GCM1: variants seen among roughly 807,000 people sequenced by gnomAD.
GCM1 encodes chorion-specific transcription factor GCMa.
Under a neutral mutation model 25.7 loss-of-function variants are expected in GCM1, and 2 were observed. The observed-to-expected ratio is 0.08, with a 90% CI of 0.03 to 0.24. The LOEUF (loss-of-function observed/expected upper bound fraction) is 0.24, where lower values mean the gene tolerates loss of function less well. Ranked by LOEUF, GCM1 falls within the 10% of genes least tolerant of loss-of-function variation. The pLI is 1.00. For synonymous variants in GCM1, 183 were observed against 195.7 expected (o/e 0.94, Z 0.54); for missense variants, 395 against 538.7 (o/e 0.73, Z 2.64).
intron 2 of GCM1, among the ~76,000 whole-genome samples, chr6:53,144,275 A>G (rs955144928): frequency 6.6e-6 from 1 of 151,946 alleles, no homozygotes; most frequent in Non-Finnish European, 1.5e-5. Flanking sequence ...TTTTTTTTCA[A>G]TTAGCCAGGA....
In GCM1 at chr6:53,146,194, T is replaced by TA. The variant is rs1562092511; in HGVS notation, c.-136-427_-136-426insT. Among the ~76,000 whole-genome samples, 318 of 100,532 alleles carry TA rather than the reference T, an allele frequency of 3.2e-3. 1 individual carries two copies. Among genetic ancestry groups the TA allele is most frequent in the African/African-American group, 0.012 (280 of 24,076 alleles). The allele number at this position is 100,532 out of a possible 152,430, so 66.0% of individuals were successfully genotyped here. On this transcript the variant is annotated intron_variant, in intron 1 of 5. Transcript: ENST00000259803. ...TTATCTAGGAAAATACATATATGTTTTATATATATATATATATATATATTT... is the reference window on the plus strand; with the variant it reads ...TTATCTAGGAAAATACATATATGTTTATATATATATATATATATATATATTT...
chr6:53,128,137 T>C lies in GCM1; in HGVS notation c.*69A>G. 2 of 1,204,072 alleles carry C rather than the reference T, an allele frequency of 1.7e-6. No individual in the cohort carries two copies. Among genetic ancestry groups the C allele is most frequent in the Non-Finnish European group, 1.2e-6 (1 of 857,498 alleles). 74.6% of individuals were successfully genotyped at this position (1,204,072 alleles called of 1,614,324 possible). A position where few individuals can be genotyped will look rare whatever the true frequency, so the allele number is the denominator to read the frequency against. On this transcript the variant is annotated 3_prime_UTR_variant, in exon 6 of 6. Coordinates refer to ENST00000259803, the MANE Select transcript of GCM1 (RefSeq NM_003643.4). ...CTGTGGTTATGTTTTAAAAATTATT[T>C]CCTAAGGAAATTCTTTCAGCCCTTC...
intron 1 of GCM1, 42 bp from the exon 2 acceptor site, chr6:53,145,810 T>A: frequency 2.0e-6 from 1 of 500,804 alleles, no homozygotes; most frequent in Non-Finnish European, 3.4e-6. Flanking sequence ...TTAAAGAGAT[T>A]TAAAAAAAAA....
chr6:53,144,484 A>C (rs1022662865), intron 2 of GCM1, among the ~76,000 whole-genome samples: 1 of 151,902 alleles, frequency 6.6e-6, no homozygotes, highest in Non-Finnish European at 1.5e-5. Flanking sequence ...ATTTCAGTGC[A>C]TGTATGGTAT....
chr6:53,137,950 G>C (rs1018184841), intron 2 of GCM1, among the ~76,000 whole-genome samples: 3 of 151,948 alleles, frequency 2.0e-5, no homozygotes, highest in African/African-American at 7.3e-5. Flanking sequence ...TTTTCTGACA[G>C]TCCCTCCACT....
At chr6:53,147,799 T>C (rs890122988) in intron 1 of GCM1, among the ~76,000 whole-genome samples, 4 of 152,170 alleles carry the variant, frequency 2.6e-5, no homozygotes, top group African/African-American at 9.6e-5. Context: ...AGGGAAAGTG[T>C]ATGTATATAA....
chr6:53,138,256 T>G (rs2127509536), intron 2 of GCM1, among the ~76,000 whole-genome samples: 2 of 140,602 alleles, frequency 1.4e-5, no homozygotes, highest in East Asian at 2.2e-4. Flanking sequence ...CACTCCAGCT[T>G]GGGTGACAGA....
At chr6:53,145,805 G>A (rs1763946227) in intron 1 of GCM1, 37 bp from the exon 2 acceptor site, 3 of 505,866 alleles carry the variant, frequency 5.9e-6, no homozygotes, top group Admixed American at 8.2e-5. Flanking sequence ...GGCCATTAAA[G>A]AGATTTAAAA....
chr6:53,132,228 A>G (rs924750941), intron 3 of GCM1, 109 bp from the exon 4 acceptor site: 1 of 727,470 alleles, frequency 1.4e-6, no homozygotes, highest in Non-Finnish European at 2.4e-6. Context: ...CAGAGTATAA[A>G]TCTGGGCAGA....
At chr6:53,138,865 A>G (rs1169001358) in intron 2 of GCM1, among the ~76,000 whole-genome samples, 2 of 152,176 alleles carry the variant, frequency 1.3e-5, no homozygotes, top group Admixed American at 6.5e-5. Flanking sequence ...AGCTCTATGC[A>G]CTTCTAGAAC....
intron 3 of GCM1, among the ~76,000 whole-genome samples, chr6:53,133,699 G>A (rs1366054083): frequency 6.6e-6 from 1 of 152,036 alleles, no homozygotes; most frequent in Non-Finnish European, 1.5e-5. Flanking sequence ...TTCTTATGTT[G>A]CCCCGGCTGG....
intron 2 of GCM1, among the ~76,000 whole-genome samples, chr6:53,143,472 T>C (rs1763909592): frequency 1.3e-5 from 2 of 152,202 alleles, no homozygotes; most frequent in South Asian, 2.1e-4. Flanking sequence ...CTAAAACTCT[T>C]GCTCTAGAAT....
chr6:53,132,055 G>A lies in GCM1; in HGVS notation c.393C>T (p.Phe131=), dbSNP rs780792769. Residue 131 remains phenylalanine (F), a synonymous_variant, in exon 4 of 6, where the codon TTC becomes TTT. Coordinates refer to ENST00000259803, the MANE Select transcript of GCM1 (RefSeq NM_003643.4). ...CGTGCCTCCAGAAGTTGGTGACCGG[G>A]AAGCCCCCATGACCTCGGCAAGGGA... ...KLIPCRGHGG[F]PVTNFWRHDG... is the part of the protein sequence containing the mutation. 10 of 1,613,628 alleles carry A rather than the reference G, an allele frequency of 6.2e-6. No homozygotes were observed. Among genetic ancestry groups the A allele is most frequent in the Non-Finnish European group, 8.5e-6 (10 of 1,179,536 alleles).
At chr6:53,146,699 G>T (rs1763962785) in intron 1 of GCM1, among the ~76,000 whole-genome samples, 1 of 152,160 alleles carries the variant, frequency 6.6e-6, no homozygotes, top group Admixed American at 6.5e-5. Context: ...ATAATTCTTT[G>T]TTGTGGGGAG....
At chr6:53,140,134 T>G (rs1763854133) in intron 2 of GCM1, among the ~76,000 whole-genome samples, 1 of 152,062 alleles carries the variant, frequency 6.6e-6, no homozygotes. Flanking sequence ...CCCATATAGG[T>G]AGAGCTCTCA....
Position 53,128,265 on chromosome 6 carries a change from A to T in GCM1, c.1252T>A (p.Tyr418Asn), listed in dbSNP as rs145233025. Residue 418 changes from tyrosine to asparagine, a missense_variant, in exon 6 of 6, where the codon TAC becomes AAC. Around this residue, in one of 5 missense-constraint regions of GCM1, gnomAD observed 291 missense variants for 314.6 expected, o/e 0.92. Transcript: ENST00000259803. ...SKWDFEEEMTYLGLDHCNNDM... is the reference protein window; with the variant it reads ...SKWDFEEEMTNLGLDHCNNDM... The stretch of plus-strand genomic sequence containing the variant: ...TTGTTGCAGTGATCCAAACCCAAGT[A>T]TGTCATTTCTTCCTCAAAATCCCAT... 195 of 1,613,300 alleles carry T rather than the reference A, an allele frequency of 1.2e-4. 1 individual carries two copies. The highest frequency in any genetic ancestry group is 6.6e-4 in the Middle Eastern group (4 of 6,062).
At chr6:53,137,372 C>G (rs1763816064) in intron 2 of GCM1, among the ~76,000 whole-genome samples, 1 of 152,234 alleles carries the variant, frequency 6.6e-6, no homozygotes, top group Non-Finnish European at 1.5e-5. Context: ...TCCCTTCCTT[C>G]CTTCCTTCTT....
Position 53,134,259 on chromosome 6 carries a change from C to T in GCM1, c.141G>A (p.Ser47=), listed in dbSNP as rs201038870. ...PDSYAKHIYS[S]EDKNAQRHLS... is the part of the protein sequence containing the mutation. ...GGTGCCGCTGCGCATTCTTGTCCTC[C>T]GAGCTGTAGATGTGTTTGGCATAGG... The change falls in exon 3 of 6, where the codon TCG becomes TCA. Residue 47 remains serine (S), a synonymous_variant. Transcript: ENST00000259803. The T allele has an allele frequency of 1.4e-5, 23 of 1,614,034 alleles. No homozygotes were observed. Among genetic ancestry groups the T allele is most frequent in the Admixed American group, 6.7e-5 (4 of 59,998 alleles).
In GCM1 at chr6:53,132,001, T is replaced by TA. The variant is rs1352182393; in HGVS notation, c.441+5_441+6insT. The TA allele has an allele frequency of 6.4e-7, 1 of 1,567,152 alleles. No homozygotes were observed. The highest frequency in any genetic ancestry group is 8.8e-7 in the Non-Finnish European group (1 of 1,137,426). ...AACTCTCACGTAACTAACTCAAAAATCCAACCTGGAAAAATATAAAGCGTC... is the reference window on the plus strand; with the variant it reads ...AACTCTCACGTAACTAACTCAAAAATACCAACCTGGAAAAATATAAAGCGTC... On this transcript the variant is annotated splice_donor_region_variant and intron_variant, in intron 4 of 5. Coordinates refer to ENST00000259803, the MANE Select transcript of GCM1 (RefSeq NM_003643.4).
Sources: gnomAD v4.1 joint callset for allele counts (sites outside exome capture counted in the v4.1 genomes callset) on GRCh38, gnomAD v4.1.1 for gene constraint, gnomAD v4.1.1 regional missense constraint, MANE v1.5 for transcripts, NCBI Gene and HGNC (gene_info 2026-07-23, HGNC 2026-07-21) for gene names.